The following ZCCHC14 variants were observed in gnomAD, a reference collection of about 807,000 sequenced individuals.
ZCCHC14 encodes the protein zinc finger CCHC domain-containing protein 14.
A neutral mutation model predicts 85.0 loss-of-function variants in ZCCHC14; 16 were observed. That is an observed-to-expected ratio of 0.19 (90% confidence interval 0.13 to 0.29). The LOEUF is 0.29. ZCCHC14 is among the 10% of genes least tolerant of loss of function. The pLI is 1.00. For synonymous variants in ZCCHC14, 775 were observed against 630.7 expected, an observed-to-expected ratio of 1.23 and a Z score of -3.43; for missense variants, 1,303 against 1,443.5, an observed-to-expected ratio of 0.90 and a Z score of 1.58.
intron 1 of ZCCHC14, chr16:87,474,371 T>C (rs904950511): frequency 6.6e-6 from 1 of 152,244 alleles, no homozygotes; most frequent in Non-Finnish European, 1.5e-5. Flanking sequence ...CCAGTTAGTA[T>C]AAAACCCCCC....
chr16:87,409,173 A>G lies in ZCCHC14; in HGVS notation c.*1107T>C, dbSNP rs1011509098. On this transcript the variant is annotated 3_prime_UTR_variant, in exon 13 of 13. Coordinates refer to ENST00000671377, the MANE Select transcript of ZCCHC14 (RefSeq NM_015144.3). ...TAATTTTTAACGGAATTAACTATCA[A>G]TACACAGCCTAATACAAAAGAAGTT... 1 of 152,274 alleles carries G rather than the reference A, an allele frequency of 6.6e-6. No individual in the cohort carries two copies. The highest frequency in any genetic ancestry group is 2.4e-5 in the African/African-American group (1 of 41,460). 9.4% of individuals were successfully genotyped at this position (152,274 alleles called of 1,614,324 possible).
intron 1 of ZCCHC14, among the ~76,000 whole-genome samples, chr16:87,483,667 C>T (rs926311584): frequency 3.9e-5 from 6 of 152,140 alleles, no homozygotes; most frequent in Admixed American, 6.5e-5. Context: ...ACTGTATGGC[C>T]GCAACCAGCA....
At chr16:87,465,542 A>C (rs1328473034) in intron 1 of ZCCHC14, among the ~76,000 whole-genome samples, 2 of 152,178 alleles carry the variant, frequency 1.3e-5, no homozygotes, top group Non-Finnish European at 2.9e-5. Flanking sequence ...CACAGTGGCC[A>C]CACATCTAGG....
intron 2 of ZCCHC14, among the ~76,000 whole-genome samples, chr16:87,447,485 C>G (rs1910499210): frequency 1.3e-5 from 2 of 152,146 alleles, no homozygotes; most frequent in African/African-American, 4.8e-5. Flanking sequence ...CATACACGGG[C>G]CCTGCTTTCA....
intron 4 of ZCCHC14, among the ~76,000 whole-genome samples, chr16:87,421,783 C>G (rs1317388441): frequency 6.6e-6 from 1 of 152,182 alleles, no homozygotes; most frequent in Non-Finnish European, 1.5e-5. Flanking sequence ...CCAGTGCCAG[C>G]TTCATCCTGC....
chr16:87,419,353 T>G (rs1401397920), intron 6 of ZCCHC14, among the ~76,000 whole-genome samples: 3 of 147,902 alleles, frequency 2.0e-5, no homozygotes, highest in East Asian at 4.2e-4. Context: ...CATGCTGGAG[T>G]GCAGTGGTGC....
intron 1 of ZCCHC14, among the ~76,000 whole-genome samples, chr16:87,475,598 G>T (rs1470860227): frequency 6.9e-6 from 1 of 144,198 alleles, no homozygotes; most frequent in Admixed American, 6.9e-5. Context: ...ACTAAAAAAT[G>T]CTATTTCTAA....
intron 4 of ZCCHC14, among the ~76,000 whole-genome samples, chr16:87,422,536 C>A (rs1236581447): frequency 6.6e-6 from 1 of 150,922 alleles, no homozygotes; most frequent in Non-Finnish European, 1.5e-5. Flanking sequence ...AGCAGCCTGG[C>A]CAACATGGTG....
intron 2 of ZCCHC14, among the ~76,000 whole-genome samples, chr16:87,438,608 T>C (rs900761564): frequency 4.6e-5 from 7 of 152,236 alleles, no homozygotes; most frequent in Admixed American, 3.9e-4. Flanking sequence ...AAAGGGCCAA[T>C]AGTTTGTAAT....
chr16:87,438,906 C>T (rs1910056901), intron 2 of ZCCHC14, among the ~76,000 whole-genome samples: 1 of 152,174 alleles, frequency 6.6e-6, no homozygotes, highest in Admixed American at 6.5e-5. Context: ...AAGTGTCCTG[C>T]CTCACCTTTG....
At chr16:87,451,180 G>A (rs1255747574) in intron 2 of ZCCHC14, among the ~76,000 whole-genome samples, 6 of 148,920 alleles carry the variant, frequency 4.0e-5, no homozygotes, top group South Asian at 2.2e-4. Flanking sequence ...GATTACAGGC[G>A]TGAGACATGG....
rs1300951170 is a variant in ZCCHC14 at position 87,491,232 on chromosome 16, G to T, written c.570+437C>A. On this transcript the variant is annotated intron_variant, in intron 1 of 12. Coordinates refer to ENST00000671377, the MANE Select transcript of ZCCHC14 (RefSeq NM_015144.3). This position sits in a 1 kb window ranked among gnomAD's most constrained non-coding sequence, Gnocchi z 5.9. ...GCTCCCGCGGATCCTCGGACCCAGG[G>T]CCCCTGCAGCCGCTCCTGCCCAAGG... Among the ~76,000 whole-genome samples the T allele has an allele frequency of 6.6e-6, 1 of 152,236 alleles. No homozygotes were observed. Among genetic ancestry groups the T allele is most frequent in the Non-Finnish European group, 1.5e-5 (1 of 68,034 alleles).
intron 2 of ZCCHC14, among the ~76,000 whole-genome samples, chr16:87,444,055 A>G (rs530226997): frequency 2.8e-4 from 42 of 151,706 alleles, no homozygotes; most frequent in East Asian, 9.7e-4. Context: ...AAAAAAAAAA[A>G]AAAAGAAAGA....
At chr16:87,437,498 G>T (rs534550692) in intron 2 of ZCCHC14, among the ~76,000 whole-genome samples, 1 of 152,176 alleles carries the variant, frequency 6.6e-6, no homozygotes, top group African/African-American at 2.4e-5. Context: ...CGGCCACAGC[G>T]CGTGGCAGCC....
At position 87,420,299 on chromosome 16, in the gene ZCCHC14, G is replaced by A. The variant is rs1452115743; in HGVS notation, c.950+308C>T. On this transcript the variant is annotated intron_variant, in intron 5 of 12. Transcript: ENST00000671377. This position sits in a 1 kb window ranked among gnomAD's most constrained non-coding sequence, Gnocchi z 5.0. The stretch of plus-strand genomic sequence containing the variant: ...TTTAAGAGACGCCAATTTTATCTGG[G>A]AATAGTCTCAACCTTGGACTACAGG... 6.6e-6 allele frequency among the ~76,000 whole-genome samples: 1 copy of A among 152,206 alleles called. No individual in the cohort carries two copies. The highest frequency in any genetic ancestry group is 1.5e-5 in the Non-Finnish European group (1 of 68,042).
At chr16:87,429,110 G>C (rs1466063408) in intron 3 of ZCCHC14, among the ~76,000 whole-genome samples, 2 of 152,232 alleles carry the variant, frequency 1.3e-5, no homozygotes, top group East Asian at 1.9e-4. Flanking sequence ...GAAACTGCCA[G>C]ACTGTTTTCC....
At chr16:87,439,824 A>G (rs1910100086) in intron 2 of ZCCHC14, among the ~76,000 whole-genome samples, 1 of 152,254 alleles carries the variant, frequency 6.6e-6, no homozygotes, top group East Asian at 1.9e-4. Context: ...ATCTAATTCT[A>G]CAATGACTAG....
Position 87,420,955 on chromosome 16 carries a change from A to G in ZCCHC14, c.841-239T>C, listed in dbSNP as rs1909064198. ...AAGCTTGACAATCTGCACAATCACA[A>G]TGTTCCTTGAGCCCATCTGAGAGTT... On this transcript the variant is annotated intron_variant, in intron 4 of 12. Coordinates refer to ENST00000671377, the MANE Select transcript of ZCCHC14 (RefSeq NM_015144.3). This position sits in a 1 kb window ranked among gnomAD's most constrained non-coding sequence, Gnocchi z 5.0. 6.6e-6 allele frequency among the ~76,000 whole-genome samples: 1 copy of G among 152,174 alleles called. No individual in the cohort carries two copies.
intron 1 of ZCCHC14, among the ~76,000 whole-genome samples, chr16:87,462,577 A>G (rs1224295685): frequency 3.3e-5 from 5 of 151,618 alleles, no homozygotes; most frequent in Admixed American, 1.3e-4. Flanking sequence ...CGTCTCTACT[A>G]AAAATACAAA....
Sources: allele counts gnomAD v4.1 joint callset (sites outside exome capture counted in the v4.1 genomes callset), GRCh38; gene constraint gnomAD v4.1.1; non-coding constraint Gnocchi (gnomAD v3.1); transcripts MANE v1.5; gene names NCBI Gene and HGNC (gene_info 2026-07-23, HGNC 2026-07-21).